The following PKD1L3 variants were observed in gnomAD, a reference collection of about 807,000 sequenced individuals.
PKD1L3 encodes polycystin-1-like protein 3.
Under a neutral mutation model 184.1 loss-of-function variants are expected in PKD1L3, and 239 were observed. The ratio of observed to expected loss-of-function variants is 1.30; its 90% CI spans 1.17 to 1.45. The LOEUF is 1.45. Among genes scored for constraint, PKD1L3 ranks in the 40% most tolerant of loss-of-function variants. The pLI is 0.00. For missense variants in PKD1L3, 2,660 were observed against 2,067.2 expected, an observed-to-expected ratio of 1.29 and a Z score of -5.56; for synonymous variants, 996 against 778.8, an observed-to-expected ratio of 1.28 and a Z score of -4.64.
In PKD1L3 at chr16:71,963,185, T is replaced by A; in HGVS notation, c.2612+20A>T. 6.5e-7 allele frequency: 1 copy of A among 1,534,626 alleles called. No individual in the cohort carries two copies. Among genetic ancestry groups the A allele is most frequent in the Non-Finnish European group, 8.8e-7 (1 of 1,137,500 alleles). On this transcript the variant is annotated intron_variant, in intron 16 of 29. Coordinates refer to ENST00000620267, the MANE Select transcript of PKD1L3 (RefSeq NM_181536.2). ...AGTGAACATCAATATTCACTGTTAA[T>A]AGTAATTTTCCAACAGTACCTAAAG...
At chr16:71,981,645 A>G (rs1410965412) in intron 7 of PKD1L3, among the ~76,000 whole-genome samples, 1 of 148,400 alleles carries the variant, frequency 6.7e-6, no homozygotes, top group African/African-American at 2.5e-5. Flanking sequence ...GGTTCAAGCG[A>G]TTCTCCTGCC....
rs2040916184 is a variant in PKD1L3, at chr16:72,000,053, G to A, written c.-75C>T. 8.2e-7 allele frequency: 1 copy of A among 1,218,286 alleles called. No individual in the cohort carries two copies. Among genetic ancestry groups the A allele is most frequent in the Non-Finnish European group, 1.1e-6 (1 of 903,896 alleles). 75.5% of individuals were successfully genotyped at this position (1,218,286 alleles called of 1,614,324 possible). A position where few individuals can be genotyped will look rare whatever the true frequency, so the allele number is the denominator to read the frequency against. On this transcript the variant is annotated 5_prime_UTR_variant, in exon 1 of 30. Transcript: ENST00000620267. ...GTCCTTTAAATATATATATTGGCGG[G>A]CTTGTCTTATTAGTATTATTCTTTT...
Position 71,950,128 on chromosome 16 carries a change from C to T in PKD1L3, c.3373G>A (p.Glu1125Lys), listed in dbSNP as rs760164595. 44 of 1,551,862 alleles carry T rather than the reference C, an allele frequency of 2.8e-5. No homozygotes were observed. The highest frequency in any genetic ancestry group is 1.7e-4 in the Middle Eastern group (1 of 5,992). Residue 1125 changes from glutamate (E) to lysine (K), a missense_variant, in exon 20 of 30, where the codon GAG becomes AAG. Transcript: ENST00000620267. ...LETHILPTEQEPSREVTSFAI... is the reference protein window; with the variant it reads ...LETHILPTEQKPSREVTSFAI... ...GGTGTGGTGCATTACCTGGATGGCT[C>T]TTGCTCCGTGGGAAGAATATGTGTT...
intron 15 of PKD1L3, among the ~76,000 whole-genome samples, chr16:71,964,482 G>GCATTT (rs2039418712): frequency 6.6e-6 from 1 of 151,366 alleles, no homozygotes; most frequent in South Asian, 2.1e-4. Context: ...GGGACTACAG[G>GCATTT]AAGGAGCCAC....
At chr16:71,986,717 T>C (rs1057305944) in intron 4 of PKD1L3, among the ~76,000 whole-genome samples, 2 of 152,156 alleles carry the variant, frequency 1.3e-5, no homozygotes, top group Non-Finnish European at 2.9e-5. Context: ...ATTTATAAGT[T>C]GCTAAGAATG....
chr16:71,957,538 C>T (rs1168724269), intron 16 of PKD1L3, among the ~76,000 whole-genome samples: 1 of 152,080 alleles, frequency 6.6e-6, no homozygotes, highest in African/African-American at 2.4e-5. Context: ...TAGCTCACAC[C>T]TGTAATCCCA....
At chr16:71,936,428 C>T (rs938942813) in intron 25 of PKD1L3, among the ~76,000 whole-genome samples, 4 of 151,658 alleles carry the variant, frequency 2.6e-5, no homozygotes, top group African/African-American at 4.8e-5. Context: ...GTCTTGAACT[C>T]CTGACCTCAG....
rs1483763543 is a variant in PKD1L3 at position 71,944,057 on chromosome 16, G to A, written c.3832C>T (p.Leu1278Phe). 1 of 1,551,960 alleles carries A rather than the reference G, an allele frequency of 6.4e-7. No individual in the cohort carries two copies. Among genetic ancestry groups the A allele is most frequent in the Non-Finnish European group, 8.7e-7 (1 of 1,147,038 alleles). ...HPERTLKKKKLFKLTGDILVQ... is the reference protein window; with the variant it reads ...HPERTLKKKKFFKLTGDILVQ... ...AAAATATCTCCAGTCAGCTTGAAGA[G>A]TTTCTTCTTTTTCAAGGTTCTTTCT... Residue 1278 changes from leucine (L) to phenylalanine (F), a missense_variant, in exon 23 of 30, where the codon CTC becomes TTC. Transcript: ENST00000620267.
Position 71,984,127 on chromosome 16 carries a change from T to G in PKD1L3, c.875A>C (p.His292Pro). Residue 292 changes from histidine (H) to proline (P), a missense_variant, in exon 6 of 30, where the codon CAT becomes CCT. By Grantham distance (77) the His-to-Pro change is moderately conservative. Coordinates refer to ENST00000620267, the MANE Select transcript of PKD1L3 (RefSeq NM_181536.2). ...EIAGNFSRAVHGLQALNKLQE... is the reference protein window; with the variant it reads ...EIAGNFSRAVPGLQALNKLQE... ...TAGTTTGTTAAGAGCTTGCAAACCA[T>G]GAACTGCTCTGCTGAAGTTCCCTGC... 1 of 1,551,944 alleles carries G rather than the reference T, an allele frequency of 6.4e-7. No homozygotes were observed. Among genetic ancestry groups the G allele is most frequent in the Middle Eastern group, 1.7e-4 (1 of 5,992 alleles).
Position 71,999,737 on chromosome 16 carries a change from C to T in PKD1L3, c.242G>A (p.Trp81Ter). 6.4e-7 allele frequency: 1 copy of T among 1,551,342 alleles called. No homozygotes were observed. The highest frequency in any genetic ancestry group is 8.7e-7 in the Non-Finnish European group (1 of 1,146,794). The change falls in exon 1 of 30, where the codon TGG (tryptophan) becomes TAG (stop). Residue 81 changes from tryptophan (W) to a stop codon, truncating the protein, a stop_gained. Coordinates refer to ENST00000620267, the MANE Select transcript of PKD1L3 (RefSeq NM_181536.2). LOFTEE classifies it high-confidence loss of function. The part of the protein sequence containing the change: ...RDYLEEGKKW[W>*]IGQNVMPLKK... ...CAATGGCATTACATTTTGCCCAATCCACCACTTCTTTCCTTCTTCCAGATA... is the reference window on the plus strand; with the variant it reads ...CAATGGCATTACATTTTGCCCAATCTACCACTTCTTTCCTTCTTCCAGATA...
intron 24 of PKD1L3, among the ~76,000 whole-genome samples, chr16:71,937,996 C>T (rs529492985): frequency 1.3e-5 from 2 of 152,288 alleles, no homozygotes; most frequent in East Asian, 1.9e-4. Context: ...GGGCTTTGTG[C>T]GCTGTTGAGC....
intron 15 of PKD1L3, among the ~76,000 whole-genome samples, chr16:71,966,202 C>CT (rs2039496322): frequency 6.6e-6 from 1 of 152,206 alleles, no homozygotes; most frequent in South Asian, 2.1e-4. Flanking sequence ...TCATTTTTCT[C>CT]TTTTTTCCTA....
chr16:71,986,499 ACTGAAT>A (rs1340473436), intron 4 of PKD1L3, 30 bp from the exon 5 acceptor site: 29 of 1,534,312 alleles, frequency 1.9e-5, no homozygotes, highest in African/African-American at 4.1e-5. Flanking sequence ...AAAGGAAAAG[ACTGAAT>A]CTGATTTTAC....
intron 16 of PKD1L3, among the ~76,000 whole-genome samples, chr16:71,954,829 T>G (rs2303220): frequency 0.26 from 39,275 of 151,998 alleles, 5,920 homozygotes; most frequent in East Asian, 0.65. Flanking sequence ...AGCCACAGGA[T>G]TACTGAGCTC....
chr16:71,943,723 A>C (rs1255578863), intron 23 of PKD1L3, among the ~76,000 whole-genome samples: 1 of 152,148 alleles, frequency 6.6e-6, no homozygotes, highest in African/African-American at 2.4e-5. Flanking sequence ...GAAGCCAGTC[A>C]ACTGGCACCT....
In PKD1L3 at chr16:71,980,031, G is replaced by C; in HGVS notation, c.1247C>G (p.Ala416Gly). The change falls in exon 8 of 30, where the codon GCC (alanine) becomes GGC (glycine). Residue 416 changes from alanine (A) to glycine (G), a missense_variant. By Grantham distance (60) the Ala-to-Gly change is moderately conservative. Transcript: ENST00000620267. ...CCTGCTCAGCAGCAGAGTAGCATTG[G>C]CAGAGGTCAAAGTCACTGAAGACTC... ...SPESSVTLTS[A>G]NATLLLSRQN... 1 of 1,552,052 alleles carries C rather than the reference G, an allele frequency of 6.4e-7. No homozygotes were observed.
At chr16:71,940,502 T>TA (rs2038325617) in intron 24 of PKD1L3, among the ~76,000 whole-genome samples, 1 of 152,034 alleles carries the variant, frequency 6.6e-6, no homozygotes, top group African/African-American at 2.4e-5. Context: ...GTTTTTTATT[T>TA]TTTTTTTATT....
At chr16:71,981,995 C>G in intron 7 of PKD1L3, 64 bp downstream of exon 7, 1 of 1,406,340 alleles carries the variant, frequency 7.1e-7, no homozygotes, top group South Asian at 1.5e-5. Flanking sequence ...GGCTGTGATA[C>G]CTGGACCTGT....
intron 17 of PKD1L3, among the ~76,000 whole-genome samples, 153 bp downstream of exon 17, chr16:71,953,952 G>A (rs9888748): frequency 0.72 from 110,093 of 151,954 alleles, 40,494 homozygotes; most frequent in East Asian, 0.97. Flanking sequence ...ATGGTGACTC[G>A]TGCCTGTAAT....
Sources: allele counts gnomAD v4.1 joint callset (sites outside exome capture counted in the v4.1 genomes callset), GRCh38; gene constraint gnomAD v4.1.1; transcripts MANE v1.5; gene names NCBI Gene and HGNC (gene_info 2026-07-23, HGNC 2026-07-21).